ADCY8: variants seen among roughly 807,000 people sequenced by gnomAD.
ADCY8 encodes the protein adenylate cyclase 8, also known as adenylate cyclase type 8.
Under a neutral mutation model 119.7 loss-of-function variants are expected in ADCY8, and 51 were observed. That is an observed-to-expected ratio of 0.43 (90% confidence interval 0.34 to 0.54). ADCY8 has a LOEUF of 0.54. Among genes scored for constraint, ADCY8 ranks in the 20% least tolerant of loss-of-function variants. The pLI is 0.03. For synonymous variants in ADCY8, 665 were observed against 651.0 expected (o/e 1.02, Z -0.33); for missense variants, 1,383 against 1,598.8 (o/e 0.87, Z 2.30).
intron 2 of ADCY8, among the ~76,000 whole-genome samples, chr8:130,989,266 G>A (rs186383995): frequency 6.6e-6 from 1 of 152,258 alleles, no homozygotes; most frequent in East Asian, 1.9e-4. Flanking sequence ...AGATGGCAGT[G>A]GGAGTTCAGT....
intron 12 of ADCY8, among the ~76,000 whole-genome samples, chr8:130,829,070 T>C (rs1036337175): frequency 3.3e-5 from 5 of 152,184 alleles, no homozygotes; most frequent in African/African-American, 1.2e-4. Context: ...TAGAGTTGCA[T>C]GGGTGAGCGT....
chr8:131,019,252 C>T (rs939720461), intron 1 of ADCY8, among the ~76,000 whole-genome samples: 1 of 152,116 alleles, frequency 6.6e-6, no homozygotes, highest in Non-Finnish European at 1.5e-5. Flanking sequence ...ACATAAGCAA[C>T]AAAATGAGAT....
intron 3 of ADCY8, among the ~76,000 whole-genome samples, chr8:130,947,580 T>G (rs1358925116): frequency 6.6e-6 from 1 of 152,184 alleles, no homozygotes; most frequent in East Asian, 1.9e-4. Flanking sequence ...ACAGGACAGA[T>G]GTAGTGATCA....
intron 5 of ADCY8, among the ~76,000 whole-genome samples, chr8:130,912,229 T>C (rs1820003311): frequency 6.6e-6 from 1 of 152,162 alleles, no homozygotes; most frequent in South Asian, 2.1e-4. Flanking sequence ...TAATAATCTG[T>C]CTCCTGTAAA....
At chr8:130,873,851 T>G (rs1818456569) in intron 8 of ADCY8, among the ~76,000 whole-genome samples, 1 of 152,134 alleles carries the variant, frequency 6.6e-6, no homozygotes, top group African/African-American at 2.4e-5. Context: ...AAGAAAATTT[T>G]CTAGCACATC....
intron 15 of ADCY8, among the ~76,000 whole-genome samples, chr8:130,793,217 G>A (rs975087399): frequency 2.6e-5 from 4 of 152,000 alleles, no homozygotes; most frequent in African/African-American, 7.2e-5. Context: ...TCAGTTCCAC[G>A]TCCTCATCTC....
chr8:130,913,469 T>C (rs912981891), intron 5 of ADCY8, among the ~76,000 whole-genome samples: 1 of 152,114 alleles, frequency 6.6e-6, no homozygotes, highest in African/African-American at 2.4e-5. Flanking sequence ...ATGTTACTTT[T>C]GACCAATGAA....
intron 12 of ADCY8, among the ~76,000 whole-genome samples, chr8:130,830,471 A>G (rs774692421): frequency 5.9e-5 from 9 of 152,100 alleles, no homozygotes; most frequent in Admixed American, 3.3e-4. Context: ...CTGATTATAA[A>G]ATCTGATGCA....
In ADCY8 at chr8:130,895,145, C is replaced by T. The variant is rs188983951; in HGVS notation, c.1911+8627G>A. On this transcript the variant is annotated intron_variant, in intron 7 of 17. Transcript: ENST00000286355. ...CAGATTTTTGCTTTTACTCTTCCTACCTATCTTCTCATATTTAAAATATCA... is the reference window on the plus strand; with the variant it reads ...CAGATTTTTGCTTTTACTCTTCCTATCTATCTTCTCATATTTAAAATATCA... Among the ~76,000 whole-genome samples, 186 of 152,224 alleles carry T rather than the reference C, an allele frequency of 1.2e-3. 1 individual carries two copies. The highest frequency in any genetic ancestry group is 1.9e-3 in the Non-Finnish European group (127 of 67,996).
chr8:130,936,130 CTT>C (rs1174584169), intron 5 of ADCY8, among the ~76,000 whole-genome samples: 2 of 148,940 alleles, frequency 1.3e-5, no homozygotes, highest in Admixed American at 1.4e-4. Context: ...TATGCATCCT[CTT>C]GTTACTGCTT....
intron 1 of ADCY8, among the ~76,000 whole-genome samples, chr8:131,036,753 G>C (rs1048593148): frequency 5.9e-5 from 9 of 152,146 alleles, no homozygotes; most frequent in African/African-American, 1.4e-4. Flanking sequence ...TAGGTAGCAG[G>C]TGAAAAGACC....
chr8:131,005,754 T>A (rs1823096382), intron 1 of ADCY8, among the ~76,000 whole-genome samples: 1 of 152,152 alleles, frequency 6.6e-6, no homozygotes, highest in Non-Finnish European at 1.5e-5. Context: ...GTAGAGGAGC[T>A]CTTGTGAGGG....
Position 131,012,727 on chromosome 8 carries a change from T to A in ADCY8, c.961-22185A>T, listed in dbSNP as rs73350433. Among the ~76,000 whole-genome samples, 434 of 152,318 alleles carry A rather than the reference T, an allele frequency of 2.8e-3. 6 individuals carry two copies. Among genetic ancestry groups the A allele is most frequent in the African/African-American group, 9.8e-3 (407 of 41,576 alleles). The stretch of plus-strand genomic sequence containing the variant: ...AACATGGAGGCATAAAGGATCATAA[T>A]GGAACTCATAATGGAACTCAGAACA... On this transcript the variant is annotated intron_variant, in intron 1 of 17. Coordinates refer to ENST00000286355, the MANE Select transcript of ADCY8 (RefSeq NM_001115.3).
At chr8:130,933,176 C>T (rs190978273) in intron 5 of ADCY8, among the ~76,000 whole-genome samples, 138 of 151,278 alleles carry the variant, frequency 9.1e-4, no homozygotes, top group Admixed American at 6.0e-3. Context: ...AGGGTCAACA[C>T]GAAATTTGGG....
At chr8:130,943,494 G>GA in intron 3 of ADCY8, 32 bp from the exon 4 acceptor site, 2 of 500,398 alleles carry the variant, frequency 4.0e-6, no homozygotes, top group Non-Finnish European at 8.2e-6. Flanking sequence ...GGGGTGGGGG[G>GA]AGGAAGTATA....
chr8:130,904,195 A>T (rs1479059792), intron 6 of ADCY8, among the ~76,000 whole-genome samples, 153 bp from the exon 7 acceptor site: 1 of 152,232 alleles, frequency 6.6e-6, no homozygotes, highest in Non-Finnish European at 1.5e-5. Flanking sequence ...AAAAGTAGAA[A>T]GAATAAAAGA....
chr8:131,036,003 C>G (rs541082644), intron 1 of ADCY8, among the ~76,000 whole-genome samples: 155 of 152,160 alleles, frequency 1.0e-3, no homozygotes, highest in African/African-American at 3.6e-3. Flanking sequence ...TTATTTAACT[C>G]TCTTAAGTAG....
intron 9 of ADCY8, among the ~76,000 whole-genome samples, chr8:130,859,010 C>T (rs1435069615): frequency 2.0e-5 from 3 of 151,696 alleles, no homozygotes; most frequent in Non-Finnish European, 4.4e-5. Context: ...TTGTATATTT[C>T]CTGTCTCACT....
intron 14 of ADCY8, among the ~76,000 whole-genome samples, chr8:130,811,807 C>T (rs565369435): frequency 2.0e-5 from 3 of 152,160 alleles, no homozygotes; most frequent in Non-Finnish European, 4.4e-5. Context: ...TGTAAGGCTC[C>T]TCCTAACACG....
Sources: allele counts gnomAD v4.1 joint callset (sites outside exome capture counted in the v4.1 genomes callset), GRCh38; gene constraint gnomAD v4.1.1; transcripts MANE v1.5; gene names NCBI Gene and HGNC (gene_info 2026-07-23, HGNC 2026-07-21).